Variants in PLXNA4 observed in about 807,000 individuals in gnomAD.
PLXNA4 encodes the protein plexin-A4.
Under a neutral mutation model 191.8 loss-of-function variants are expected in PLXNA4, and 44 were observed. The observed-to-expected ratio is 0.23, with a 90% confidence interval of 0.18 to 0.29. The LOEUF is 0.29. PLXNA4 is among the 10% of genes least tolerant of loss of function. The pLI is 1.00. For missense variants in PLXNA4, 1,800 were observed against 2,488.8 expected, an observed-to-expected ratio of 0.72 and a Z score of 5.89; for synonymous variants, 1,082 against 1,009.5, an observed-to-expected ratio of 1.07 and a Z score of -1.36.
intron 9 of PLXNA4, among the ~76,000 whole-genome samples, chr7:132,219,661 T>C (rs1322741630): frequency 6.6e-6 from 1 of 152,142 alleles, no homozygotes; most frequent in Non-Finnish European, 1.5e-5. Context: ...GGGTAGTTTT[T>C]TTTTACCCCC....
At chr7:132,181,322 C>A in intron 18 of PLXNA4, 59 bp downstream of exon 18, 3 of 1,602,560 alleles carry the variant, frequency 1.9e-6, no homozygotes, top group Non-Finnish European at 2.6e-6. Flanking sequence ...CTTGAACACC[C>A]CCTTCCATGC....
At position 132,145,840 on chromosome 7, in the gene PLXNA4, C is replaced by T. The variant is rs566037099; in HGVS notation, c.5056-552G>A. The stretch of plus-strand genomic sequence containing the variant: ...AATCCCAACTTCTGGGAGGCTGAGG[C>T]GGACGGATCATTTGAGGCCAGGAGT... On this transcript the variant is annotated intron_variant, in intron 28 of 31. Transcript: ENST00000321063. Among the ~76,000 whole-genome samples the T allele has an allele frequency of 4.8e-5, 7 of 147,326 alleles. No homozygotes were observed. The East Asian group carries it at 6.0e-4, about 13-fold the overall frequency.
intron 3 of PLXNA4, among the ~76,000 whole-genome samples, chr7:132,344,571 TC>T (rs146346328): frequency 0.036 from 5,473 of 152,168 alleles, 157 homozygotes; most frequent in Middle Eastern, 0.071. Context: ...TCCACATCCC[TC>T]CCCTTTCCCT....
intron 3 of PLXNA4, among the ~76,000 whole-genome samples, chr7:132,474,717 T>C (rs1429502235): frequency 6.6e-6 from 1 of 152,178 alleles, no homozygotes; most frequent in East Asian, 1.9e-4. Context: ...CTGTTTCCCC[T>C]GCAGAGCCCC....
In PLXNA4 at chr7:132,507,735, G is replaced by A. The variant is rs764923807; in HGVS notation, c.959C>T (p.Ala320Val). 7 of 1,614,140 alleles carry A rather than the reference G, an allele frequency of 4.3e-6. No individual in the cohort carries two copies. The highest frequency in any genetic ancestry group is 4.5e-5 in the East Asian group (2 of 44,880). ...GACTCCAAGGGTCCTGCCAAGCACG[G>A]CCCCCGCTTTGGACAGGTAGGCAGC... ...LQAAYLSKAGAVLGRTLGVHP... is the reference protein window; with the variant it reads ...LQAAYLSKAGVVLGRTLGVHP... The change falls in exon 2 of 32, where the codon GCC (alanine) becomes GTC (valine). Residue 320 changes from alanine (A) to valine (V), a missense_variant. By Grantham distance (64) the Ala-to-Val change is moderately conservative. Around this residue, in one of 6 missense-constraint regions of PLXNA4, gnomAD observed 1,397 missense variants for 1,880.4 expected, o/e 0.74. Transcript: ENST00000321063.
intron 5 of PLXNA4, among the ~76,000 whole-genome samples, chr7:132,229,523 G>A (rs1255091430): frequency 6.6e-6 from 1 of 152,202 alleles, no homozygotes; most frequent in African/African-American, 2.4e-5. Flanking sequence ...AGATTCTGTT[G>A]TGGGGTGGGG....
At chr7:132,522,334 T>C (rs1000066201) in intron 1 of PLXNA4, among the ~76,000 whole-genome samples, 1 of 152,184 alleles carries the variant, frequency 6.6e-6, no homozygotes, top group South Asian at 2.1e-4. Context: ...TCCAAACATA[T>C]ATGACCACCC....
At chr7:132,157,268 T>TC (rs1412240093) in intron 25 of PLXNA4, among the ~76,000 whole-genome samples, 1 of 152,180 alleles carries the variant, frequency 6.6e-6, no homozygotes, top group African/African-American at 2.4e-5. Context: ...CTCAGGCAGG[T>TC]CCTTGTTGCA....
intron 3 of PLXNA4, among the ~76,000 whole-genome samples, chr7:132,318,779 G>A (rs1802049425): frequency 6.6e-6 from 1 of 151,092 alleles, no homozygotes; most frequent in Non-Finnish European, 1.5e-5. Flanking sequence ...AGATGCTGCT[G>A]TGGTCTAGCC....
intron 1 of PLXNA4, among the ~76,000 whole-genome samples, chr7:132,519,372 G>A (rs1201339846): frequency 6.6e-6 from 1 of 152,194 alleles, no homozygotes; most frequent in Non-Finnish European, 1.5e-5. Flanking sequence ...GAAATGGGGG[G>A]ACACCATGGG....
At chr7:132,563,623 C>CT (rs1801492959) in intron 1 of PLXNA4, among the ~76,000 whole-genome samples, 1 of 126,060 alleles carries the variant, frequency 7.9e-6, no homozygotes, top group Non-Finnish European at 1.7e-5. Flanking sequence ...CTTCCTCCTC[C>CT]TTCTCTTCCT....
intron 1 of PLXNA4, among the ~76,000 whole-genome samples, chr7:132,648,005 C>A (rs939788885): frequency 2.6e-5 from 4 of 151,134 alleles, no homozygotes; most frequent in African/African-American, 9.7e-5. Flanking sequence ...AGTCATATAC[C>A]CACAAACACA....
At chr7:132,588,752 G>A (rs1802552732) in intron 2 of PLXNA4, among the ~76,000 whole-genome samples, 1 of 143,602 alleles carries the variant, frequency 7.0e-6, no homozygotes, top group South Asian at 2.3e-4. Flanking sequence ...AAGAAAGAGA[G>A]AAAGAGAGAA....
intron 3 of PLXNA4, among the ~76,000 whole-genome samples, chr7:132,391,914 G>A (rs906685220): frequency 2.0e-5 from 3 of 152,060 alleles, no homozygotes; most frequent in Non-Finnish European, 2.9e-5. Context: ...ATCACCTGAG[G>A]TCAGGAGTTT....
chr7:132,369,433 C>T (rs1474046896), intron 3 of PLXNA4, among the ~76,000 whole-genome samples: 3 of 152,180 alleles, frequency 2.0e-5, no homozygotes, highest in African/African-American at 7.2e-5. Flanking sequence ...TCGATGGCCC[C>T]TGTTTCTCCA....
chr7:132,598,964 G>C (rs1228857349), intron 2 of PLXNA4, among the ~76,000 whole-genome samples: 5 of 152,110 alleles, frequency 3.3e-5, no homozygotes, highest in African/African-American at 1.2e-4. Context: ...ATTAGGTAGG[G>C]AACTAGTGTA....
intron 3 of PLXNA4, among the ~76,000 whole-genome samples, chr7:132,408,972 T>G (rs77886486): frequency 0.042 from 6,434 of 151,454 alleles, 447 homozygotes; most frequent in African/African-American, 0.15. Context: ...CCCCTGTGTT[T>G]GAGACTGAGA....
At chr7:132,439,542 T>G (rs1795609386) in intron 3 of PLXNA4, among the ~76,000 whole-genome samples, 1 of 152,162 alleles carries the variant, frequency 6.6e-6, no homozygotes, top group Non-Finnish European at 1.5e-5. Context: ...TATCCATGCA[T>G]AGCTACCCTT....
At chr7:132,448,642 C>T (rs533527516) in intron 3 of PLXNA4, among the ~76,000 whole-genome samples, 1 of 152,256 alleles carries the variant, frequency 6.6e-6, no homozygotes, top group African/African-American at 2.4e-5. Context: ...ATCTTATTCC[C>T]TCTGCAGCTA....
Sources: allele counts gnomAD v4.1 joint callset (sites outside exome capture counted in the v4.1 genomes callset), GRCh38; gene constraint gnomAD v4.1.1; regional missense constraint gnomAD v4.1.1; transcripts MANE v1.5; gene names NCBI Gene and HGNC (gene_info 2026-07-23, HGNC 2026-07-21).